Variants in DPYS observed in about 807,000 individuals in gnomAD.
DPYS encodes dihydropyrimidine amidohydrolase.
DPYS carries 39 observed loss-of-function variants against 50.3 expected under a neutral mutation model. That is an observed-to-expected ratio of 0.78 (90% CI 0.60 to 1.01). The LOEUF (loss-of-function observed/expected upper bound fraction) is 1.01, where lower values mean the gene tolerates loss of function less well. DPYS is among the 50% of genes least tolerant of loss of function. The pLI, the probability that DPYS is intolerant of heterozygous loss-of-function variation, is 0.00. For missense variants in DPYS, 659 were observed against 680.9 expected (o/e 0.97, Z 0.36); for synonymous variants, 245 against 250.7 (o/e 0.98, Z 0.22).
intron 2 of DPYS, 106 bp downstream of exon 2, chr8:104,451,140 C>G: frequency 7.0e-7 from 1 of 1,432,666 alleles, no homozygotes; most frequent in Non-Finnish European, 9.8e-7. Flanking sequence ...CCTGCCAGTT[C>G]TGTCCTCCTG....
chr8:104,456,051 T>C (rs1813911881), intron 1 of DPYS, among the ~76,000 whole-genome samples: 1 of 152,166 alleles, frequency 6.6e-6, no homozygotes, highest in Non-Finnish European at 1.5e-5. Flanking sequence ...CTGTACCTTT[T>C]CTATGTTTAG....
chr8:104,388,413 G>A (rs1359024311), intron 8 of DPYS, among the ~76,000 whole-genome samples: 3 of 152,070 alleles, frequency 2.0e-5, no homozygotes, highest in Non-Finnish European at 4.4e-5. Flanking sequence ...ACAAATGTCT[G>A]TACTTTCACA....
At chr8:104,402,358 A>C (rs993572260) in intron 7 of DPYS, among the ~76,000 whole-genome samples, 1 of 152,230 alleles carries the variant, frequency 6.6e-6, no homozygotes, top group African/African-American at 2.4e-5. Flanking sequence ...TAGTGTCTTT[A>C]AGGAACAGGA....
chr8:104,442,715 T>C (rs138089342), intron 4 of DPYS, among the ~76,000 whole-genome samples: 1 of 152,342 alleles, frequency 6.6e-6, no homozygotes, highest in East Asian at 1.9e-4. Flanking sequence ...AAATCATTAC[T>C]GAACCTTAAT....
intron 7 of DPYS, among the ~76,000 whole-genome samples, chr8:104,397,247 C>T (rs1210562260): frequency 2.0e-5 from 3 of 152,216 alleles, no homozygotes; most frequent in East Asian, 1.9e-4. Flanking sequence ...CATTTTCCTC[C>T]GTCGTTTAGC....
At chr8:104,417,787 T>C (rs1020001814) in intron 7 of DPYS, among the ~76,000 whole-genome samples, 9 of 152,260 alleles carry the variant, frequency 5.9e-5, no homozygotes, top group Admixed American at 2.6e-4. Flanking sequence ...AGGAACTTTT[T>C]ACAGGCTAGT....
intron 6 of DPYS, among the ~76,000 whole-genome samples, chr8:104,425,702 A>C (rs1812699992): frequency 6.6e-6 from 1 of 152,182 alleles, no homozygotes. Flanking sequence ...ACCAACAATT[A>C]TGGATAGTCT....
intron 7 of DPYS, among the ~76,000 whole-genome samples, chr8:104,409,651 T>C (rs1812108537): frequency 6.6e-6 from 1 of 152,190 alleles, no homozygotes; most frequent in South Asian, 2.1e-4. Flanking sequence ...AGTCATTTAC[T>C]TTGGTATCTC....
chr8:104,447,791 A>C (rs1391536825), intron 2 of DPYS, among the ~76,000 whole-genome samples: 1 of 152,210 alleles, frequency 6.6e-6, no homozygotes, highest in African/African-American at 2.4e-5. Context: ...CTCTGCATCT[A>C]TCTCCCGATT....
At chr8:104,400,331 CAAG>C (rs1410860756) in intron 7 of DPYS, among the ~76,000 whole-genome samples, 1 of 152,166 alleles carries the variant, frequency 6.6e-6, no homozygotes, top group Non-Finnish European at 1.5e-5. Flanking sequence ...CAAAAAGAAC[CAAG>C]AAGATCTTTT....
At chr8:104,453,903 A>G (rs1398758212) in intron 1 of DPYS, among the ~76,000 whole-genome samples, 1 of 152,230 alleles carries the variant, frequency 6.6e-6, no homozygotes, top group Non-Finnish European at 1.5e-5. Context: ...ACATGGGTGA[A>G]GTTTGAAAAT....
At chr8:104,431,269 A>C (rs1420297576) in intron 4 of DPYS, among the ~76,000 whole-genome samples, 1 of 152,100 alleles carries the variant, frequency 6.6e-6, no homozygotes, top group African/African-American at 2.4e-5. Context: ...ACTCAGGAAA[A>C]ATTAAAAGTG....
At chr8:104,388,970 G>A (rs1262908679) in intron 8 of DPYS, among the ~76,000 whole-genome samples, 3 of 152,106 alleles carry the variant, frequency 2.0e-5, no homozygotes, top group Non-Finnish European at 4.4e-5. Flanking sequence ...TTCCTTCTAC[G>A]CATCTCTGAA....
At chr8:104,417,470 T>G (rs965630422) in intron 7 of DPYS, among the ~76,000 whole-genome samples, 5 of 152,216 alleles carry the variant, frequency 3.3e-5, no homozygotes, top group Non-Finnish European at 1.5e-5. Context: ...CACAAGATTC[T>G]GTCTTTACAT....
intron 8 of DPYS, among the ~76,000 whole-genome samples, chr8:104,387,482 G>A (rs1282802430): frequency 6.6e-6 from 1 of 152,124 alleles, no homozygotes; most frequent in Non-Finnish European, 1.5e-5. Context: ...CTGAGGGAGC[G>A]ATATCATAAG....
intron 7 of DPYS, among the ~76,000 whole-genome samples, chr8:104,404,575 G>A (rs75682659): frequency 0.21 from 31,229 of 152,236 alleles, 3,947 homozygotes; most frequent in Non-Finnish European, 0.27. Context: ...GGAAAAATAA[G>A]GCAAAAAGGC....
chr8:104,454,581 T>G (rs968637063), intron 1 of DPYS, among the ~76,000 whole-genome samples: 1 of 152,028 alleles, frequency 6.6e-6, no homozygotes, highest in Non-Finnish European at 1.5e-5. Flanking sequence ...GAGTGGGAGA[T>G]CACACAAATA....
intron 4 of DPYS, among the ~76,000 whole-genome samples, chr8:104,440,412 A>C (rs1813309584): frequency 6.6e-6 from 1 of 152,174 alleles, no homozygotes; most frequent in Non-Finnish European, 1.5e-5. Context: ...AAGGCTCTGC[A>C]TGTCTAAGGA....
intron 1 of DPYS, among the ~76,000 whole-genome samples, chr8:104,454,882 A>G (rs1217572694): frequency 3.9e-5 from 6 of 152,164 alleles, no homozygotes; most frequent in Admixed American, 3.9e-4. Flanking sequence ...GTATAATGAT[A>G]TCTGACTCAC....
Sources: allele counts gnomAD v4.1 joint callset (sites outside exome capture counted in the v4.1 genomes callset), GRCh38; gene constraint gnomAD v4.1.1; transcripts MANE v1.5; gene names NCBI Gene and HGNC (gene_info 2026-07-23, HGNC 2026-07-21).